The following RBFOX3 variants were observed in gnomAD, a reference collection of about 807,000 sequenced individuals.
RBFOX3 encodes RNA binding protein fox-1 homolog 3.
RBFOX3 carries 17 observed loss-of-function variants against 48.7 expected under a neutral mutation model. The observed-to-expected ratio is 0.35, with a 90% CI of 0.24 to 0.52. RBFOX3 has a LOEUF of 0.52. RBFOX3 is among the 20% of genes least tolerant of loss of function. RBFOX3 has a pLI of 0.94. For missense variants in RBFOX3, 382 were observed against 497.5 expected (o/e 0.77, Z 2.21); for synonymous variants, 212 against 209.5 (o/e 1.01, Z -0.10).
intron 2 of RBFOX3, among the ~76,000 whole-genome samples, chr17:79,410,817 C>T (rs2064208815): frequency 1.3e-5 from 2 of 152,168 alleles, no homozygotes; most frequent in Non-Finnish European, 1.5e-5. Context: ...AGTTGCTTTG[C>T]AGGCTGCTCC....
chr17:79,538,475 G>C (rs1413729698), intron 1 of RBFOX3, among the ~76,000 whole-genome samples: 1 of 152,204 alleles, frequency 6.6e-6, no homozygotes, highest in East Asian at 1.9e-4. Flanking sequence ...CCACAGTCAG[G>C]GCAGGAAGCC....
At chr17:79,520,423 G>A (rs967564097) in intron 1 of RBFOX3, among the ~76,000 whole-genome samples, 7 of 152,184 alleles carry the variant, frequency 4.6e-5, no homozygotes, top group Admixed American at 1.3e-4. Context: ...GCAGCTGAGC[G>A]AGCTGCCCTC....
chr17:79,206,086 G>C lies in RBFOX3; in HGVS notation c.-34+29680C>G, dbSNP rs141840475. Among the ~76,000 whole-genome samples the C allele has an allele frequency of 3.6e-4, 55 of 152,316 alleles. 1 individual carries two copies. Among genetic ancestry groups the C allele is most frequent in the Middle Eastern group, 3.4e-3 (1 of 294 alleles). On this transcript the variant is annotated intron_variant, in intron 4 of 14. Transcript: ENST00000693108. Reference sequence around the variant, plus strand: ...ATGCCTGAGGAAGACCTGTGTGTCAGAGGGTGCGAGGTAAAGCCTAGCAAG... The same window carrying C: ...ATGCCTGAGGAAGACCTGTGTGTCACAGGGTGCGAGGTAAAGCCTAGCAAG...
Position 79,477,558 on chromosome 17 carries a change from GAA to G in RBFOX3, c.-175+4894_-175+4895del, listed in dbSNP as rs113513832. On this transcript the variant is annotated intron_variant, in intron 2 of 14. Coordinates refer to ENST00000693108, the MANE Select transcript of RBFOX3 (RefSeq NM_001350451.2). This position sits in a 1 kb window ranked among gnomAD's most constrained non-coding sequence, Gnocchi z 4.8. ...GCGACAGAGCGAAACTCCGTCACCG[GAA>G]AAAAAAAAAGAGGAGGAGGAGTAGG... Among the ~76,000 whole-genome samples, 1 of 147,120 alleles carries G rather than the reference GAA, an allele frequency of 6.8e-6. No homozygotes were observed. Among genetic ancestry groups the G allele is most frequent in the Non-Finnish European group, 1.5e-5 (1 of 66,468 alleles).
At chr17:79,386,506 G>C (rs909083053) in intron 2 of RBFOX3, among the ~76,000 whole-genome samples, 1 of 152,208 alleles carries the variant, frequency 6.6e-6, no homozygotes, top group Non-Finnish European at 1.5e-5. Flanking sequence ...TCCAAGCTGG[G>C]GTCCAAAGCC....
chr17:79,263,339 G>A (rs576808552), intron 3 of RBFOX3, among the ~76,000 whole-genome samples: 3 of 152,360 alleles, frequency 2.0e-5, no homozygotes, highest in Admixed American at 1.3e-4. Flanking sequence ...AGTGAACGCT[G>A]GTATTTTACA....
rs1222122648 is a variant in RBFOX3 at position 79,097,413 on chromosome 17, G to A, written c.634C>T (p.Pro212Ser). Residue 212 changes from proline to serine, a missense_variant, in exon 11 of 15, where the codon CCC (proline) becomes TCC (serine). Physicochemically the swap from Pro to Ser is moderately conservative, Grantham distance 74. Around this residue, in one of 3 missense-constraint regions of RBFOX3, gnomAD observed 215 missense variants for 254.8 expected, o/e 0.84. Coordinates refer to ENST00000693108, the MANE Select transcript of RBFOX3 (RefSeq NM_001350451.2). ...ACGGCTGTGCCGGTGGTGGGGTAGGGGAACCCCGTCACTGCAGGAAACGGG... is the reference window on the plus strand; with the variant it reads ...ACGGCTGTGCCGGTGGTGGGGTAGGAGAACCCCGTCACTGCAGGAAACGGG... ...GPEFYAVTGF[P>S]YPTTGTAVAY... is the part of the protein sequence containing the mutation. 6.5e-6 allele frequency: 10 copies of A among 1,546,874 alleles called. No individual in the cohort carries two copies. Among genetic ancestry groups the A allele is most frequent in the South Asian group, 1.2e-5 (1 of 83,828 alleles).
rs201335709 is a variant in RBFOX3, at chr17:79,468,821, AGGAT to A, written c.-175+13629_-175+13632del. Among the ~76,000 whole-genome samples the A allele has an allele frequency of 2.0e-3, 292 of 146,706 alleles. 1 individual carries two copies. Among genetic ancestry groups the A allele is most frequent in the Middle Eastern group, 3.6e-3 (1 of 276 alleles). Reference sequence around the variant, plus strand: ...GCAGATAGACAGGAAGACAGGCAGGAGGATGGATGGATGGATGGATGGATAGATA... The same window carrying A: ...GCAGATAGACAGGAAGACAGGCAGGAGGATGGATGGATGGATGGATAGATA... On this transcript the variant is annotated intron_variant, in intron 2 of 14. Coordinates refer to ENST00000693108, the MANE Select transcript of RBFOX3 (RefSeq NM_001350451.2).
At chr17:79,620,425 GCACGTGCA>G in the RBFOX3 span, among the ~76,000 whole-genome samples, 1 of 133,098 alleles carries the variant, frequency 7.5e-6, no homozygotes, top group East Asian at 2.4e-4. Context: ...ATGCACACAC[GCACGTGCA>G]CACATGCACA....
intron 2 of RBFOX3, among the ~76,000 whole-genome samples, chr17:79,422,235 CG>C (rs753315074): frequency 2.7e-4 from 41 of 152,112 alleles, no homozygotes; most frequent in Non-Finnish European, 2.1e-4. Context: ...GACGGGCACG[CG>C]GGGAGGGCTG....
chr17:79,620,498 C>G, the RBFOX3 span, among the ~76,000 whole-genome samples: 1 of 150,052 alleles, frequency 6.7e-6, no homozygotes, highest in East Asian at 2.0e-4. Flanking sequence ...CACACACGCG[C>G]ACACACATGC....
intron 4 of RBFOX3, among the ~76,000 whole-genome samples, chr17:79,156,066 G>A (rs908947021): frequency 6.6e-6 from 1 of 152,230 alleles, no homozygotes; most frequent in Non-Finnish European, 1.5e-5. Context: ...ATCCCCTGGT[G>A]CCTGAGTCCA....
intron 4 of RBFOX3, among the ~76,000 whole-genome samples, chr17:79,181,879 C>T (rs1351599522): frequency 6.6e-6 from 1 of 152,110 alleles, no homozygotes; most frequent in Non-Finnish European, 1.5e-5. Context: ...TTCTATAGCT[C>T]CTTGGAGGGC....
At chr17:79,099,904 T>G (rs2076100819) in intron 9 of RBFOX3, 1 of 152,256 alleles carries the variant, frequency 6.6e-6, no homozygotes, top group Non-Finnish European at 1.5e-5. Flanking sequence ...TTGGGTAGTG[T>G]TGAAGCCAAG....
intron 3 of RBFOX3, among the ~76,000 whole-genome samples, chr17:79,256,368 T>C (rs1410876760): frequency 1.3e-5 from 2 of 152,200 alleles, no homozygotes; most frequent in African/African-American, 4.8e-5. Flanking sequence ...CAAGTTTGCT[T>C]GTGCCGGCCA....
chr17:79,131,175 C>A (rs533675663), intron 4 of RBFOX3, among the ~76,000 whole-genome samples: 1 of 151,806 alleles, frequency 6.6e-6, no homozygotes, highest in East Asian at 1.9e-4. Context: ...CCATGTGCTG[C>A]GTGTGCTGTA....
At chr17:79,100,865 G>T (rs2076302788) in intron 9 of RBFOX3, among the ~76,000 whole-genome samples, 1 of 152,172 alleles carries the variant, frequency 6.6e-6, no homozygotes, top group African/African-American at 2.4e-5. Flanking sequence ...AGGAAGACCG[G>T]CCACCTCCGT....
intron 2 of RBFOX3, among the ~76,000 whole-genome samples, chr17:79,354,852 C>T (rs75403340): frequency 2.5e-3 from 380 of 152,340 alleles, no homozygotes; most frequent in African/African-American, 8.6e-3. Context: ...TAGTTTAACA[C>T]GCTGTGCATT....
chr17:79,200,096 G>A (rs2056491674), intron 4 of RBFOX3, among the ~76,000 whole-genome samples: 1 of 146,960 alleles, frequency 6.8e-6, no homozygotes, highest in South Asian at 2.2e-4. Context: ...CCGGAAGGCA[G>A]AGGTTGCAGT....
Sources: gnomAD v4.1 joint callset for allele counts (sites outside exome capture counted in the v4.1 genomes callset) on GRCh38, gnomAD v4.1.1 for gene constraint, gnomAD v4.1.1 regional missense constraint, Gnocchi (gnomAD v3.1) non-coding constraint, MANE v1.5 for transcripts, NCBI Gene and HGNC (gene_info 2026-07-23, HGNC 2026-07-21) for gene names.